SMYD3: variants seen among roughly 807,000 people sequenced by gnomAD.
The protein encoded by SMYD3 is SET and MYND domain containing 3, also known as histone-lysine N-methyltransferase SMYD3.
In SMYD3, 36 loss-of-function variants were observed where a neutral mutation model predicts 57.7. The ratio of observed to expected loss-of-function variants is 0.62; its 90% CI spans 0.48 to 0.82. SMYD3 has a LOEUF of 0.82. Among genes scored for constraint, SMYD3 ranks in the 40% least tolerant of loss-of-function variants. SMYD3 has a pLI of 0.00. For synonymous variants in SMYD3, 211 were observed against 195.0 expected (o/e 1.08, Z -0.68); for missense variants, 515 against 538.8 (o/e 0.96, Z 0.44).
At chr1:246,080,734 G>A (rs1572991262) in intron 5 of SMYD3, among the ~76,000 whole-genome samples, 1 of 152,104 alleles carries the variant, frequency 6.6e-6, no homozygotes, top group South Asian at 2.1e-4. Context: ...AAAATACACA[G>A]AAAAGCTTAA....
intron 1 of SMYD3, among the ~76,000 whole-genome samples, chr1:246,414,622 C>G (rs954827118): frequency 8.6e-5 from 6 of 69,794 alleles, no homozygotes; most frequent in African/African-American, 2.6e-4. Context: ...CACATAAATG[C>G]ACACACACAC....
chr1:246,460,178 C>T (rs1212028870), intron 1 of SMYD3, among the ~76,000 whole-genome samples: 1 of 152,212 alleles, frequency 6.6e-6, no homozygotes, highest in African/African-American at 2.4e-5. Flanking sequence ...TGCTTTACCT[C>T]GACTGCCTTT....
chr1:245,839,295 A>G (rs990907471), intron 10 of SMYD3, among the ~76,000 whole-genome samples: 13 of 151,950 alleles, frequency 8.6e-5, no homozygotes, highest in African/African-American at 2.4e-4. Flanking sequence ...TCAGCCTCCC[A>G]CGTAGCTGGG....
chr1:246,316,517 G>A (rs1182084360), intron 5 of SMYD3, among the ~76,000 whole-genome samples: 3 of 147,368 alleles, frequency 2.0e-5, no homozygotes, highest in South Asian at 2.2e-4. Context: ...GAGCCACCAC[G>A]CCCAGCTAAT....
chr1:246,208,179 C>T (rs552000566), intron 5 of SMYD3, among the ~76,000 whole-genome samples: 1 of 152,212 alleles, frequency 6.6e-6, no homozygotes, highest in East Asian at 1.9e-4. Context: ...TCTCTGCATG[C>T]ACATTTTGAT....
At chr1:246,349,394 T>C (rs2065781667) in intron 2 of SMYD3, among the ~76,000 whole-genome samples, 1 of 151,834 alleles carries the variant, frequency 6.6e-6, no homozygotes, top group Non-Finnish European at 1.5e-5. Flanking sequence ...TGCCTGAGCT[T>C]AGGAGTTCGA....
chr1:246,021,593 G>A (rs1044215295), intron 5 of SMYD3, among the ~76,000 whole-genome samples: 2 of 152,080 alleles, frequency 1.3e-5, no homozygotes, highest in Non-Finnish European at 2.9e-5. Context: ...AAGAGGTCCA[G>A]GAAATGCTTC....
chr1:246,453,169 C>T (rs996953322), intron 1 of SMYD3, among the ~76,000 whole-genome samples: 13 of 152,162 alleles, frequency 8.5e-5, no homozygotes, highest in Non-Finnish European at 1.6e-4. Context: ...GCACAGAGAA[C>T]ATAAGTAGCT....
At chr1:246,245,644 A>G (rs2063691637) in intron 5 of SMYD3, among the ~76,000 whole-genome samples, 1 of 152,340 alleles carries the variant, frequency 6.6e-6, no homozygotes, top group South Asian at 2.1e-4. Flanking sequence ...CTAAGAAATT[A>G]AAATTTCAGA....
At chr1:246,280,773 G>A (rs758418627) in intron 5 of SMYD3, among the ~76,000 whole-genome samples, 1 of 152,016 alleles carries the variant, frequency 6.6e-6, no homozygotes, top group Non-Finnish European at 1.5e-5. Context: ...ACCCCTGCTG[G>A]CCTCATCTTT....
In SMYD3 at chr1:246,216,807, T is replaced by C. The variant is rs559048341; in HGVS notation, c.531+110394A>G. Among the ~76,000 whole-genome samples, 6 of 152,272 alleles carry C rather than the reference T, an allele frequency of 3.9e-5. No homozygotes were observed. The South Asian group carries it at 1.2e-3, about 32-fold the overall frequency. On this transcript the variant is annotated intron_variant, in intron 5 of 11. Transcript: ENST00000490107. ...AGATACCAGGCCAGTAAGTAAACTC[T>C]GAAGCTAGCTTTCTCACTAGAAACA...
chr1:246,272,623 G>T (rs906526101), intron 5 of SMYD3, among the ~76,000 whole-genome samples: 2 of 151,956 alleles, frequency 1.3e-5, no homozygotes, highest in Non-Finnish European at 1.5e-5. Context: ...CTTGCAGTCT[G>T]GGAATAAATG....
chr1:245,923,527 G>A (rs1486912687), intron 7 of SMYD3, among the ~76,000 whole-genome samples: 1 of 152,068 alleles, frequency 6.6e-6, no homozygotes, highest in Non-Finnish European at 1.5e-5. Flanking sequence ...TTCTTTCGTC[G>A]TCTATTGATG....
At chr1:246,017,108 G>A (rs1260803147) in intron 5 of SMYD3, among the ~76,000 whole-genome samples, 1 of 152,124 alleles carries the variant, frequency 6.6e-6, no homozygotes, top group Non-Finnish European at 1.5e-5. Flanking sequence ...ACATACTGTT[G>A]CCAAAAGTAT....
intron 2 of SMYD3, among the ~76,000 whole-genome samples, chr1:246,346,208 C>T (rs1053789892): frequency 3.3e-5 from 5 of 152,040 alleles, no homozygotes; most frequent in South Asian, 4.2e-4. Flanking sequence ...GGCGTGAATC[C>T]GGGAGGCGGA....
intron 1 of SMYD3, among the ~76,000 whole-genome samples, chr1:246,395,724 CCAGTCAGACAGGGAAGACGAACCCACCA>C (rs2066655405): frequency 3.2e-5 from 2 of 62,162 alleles, no homozygotes; most frequent in Non-Finnish European, 6.3e-5. Context: ...GACGAACACA[CCAGTCAGACAGGGAAGACGAACCCACCA>C]CAGTCAGACA....
At chr1:246,194,275 T>G (rs993259561) in intron 5 of SMYD3, among the ~76,000 whole-genome samples, 8 of 151,312 alleles carry the variant, frequency 5.3e-5, no homozygotes, top group South Asian at 2.1e-4. Flanking sequence ...TTTTTTTGTT[T>G]TTTTTTTTTT....
chr1:246,391,650 T>G (rs2066574610), intron 1 of SMYD3, among the ~76,000 whole-genome samples: 1 of 152,076 alleles, frequency 6.6e-6, no homozygotes, highest in Non-Finnish European at 1.5e-5. Flanking sequence ...AAATACACTT[T>G]AAGACACACA....
intron 1 of SMYD3, among the ~76,000 whole-genome samples, chr1:246,399,351 T>G (rs2066730067): frequency 6.6e-6 from 1 of 151,932 alleles, no homozygotes; most frequent in Non-Finnish European, 1.5e-5. Flanking sequence ...TTATTTATTT[T>G]TGAGGCACAA....
Sources: gnomAD v4.1 joint callset for allele counts (sites outside exome capture counted in the v4.1 genomes callset) on GRCh38, gnomAD v4.1.1 for gene constraint, MANE v1.5 for transcripts, NCBI Gene and HGNC (gene_info 2026-07-23, HGNC 2026-07-21) for gene names.